AFG3L2: variants seen among roughly 807,000 people sequenced by gnomAD.
AFG3L2 encodes AFG3 like matrix AAA peptidase subunit 2.
A neutral mutation model predicts 94.5 loss-of-function variants in AFG3L2; 54 were observed. That is an observed-to-expected ratio of 0.57 (90% CI 0.46 to 0.72). AFG3L2 has a LOEUF of 0.72. AFG3L2 is among the 30% of genes least tolerant of loss of function. The pLI, the probability that AFG3L2 is intolerant of heterozygous loss-of-function variation, is 0.00. For synonymous variants in AFG3L2, 377 were observed against 365.5 expected (o/e 1.03, Z -0.36); for missense variants, 754 against 994.9 (o/e 0.76, Z 3.26).
Position 12,329,304 on chromosome 18 carries a change from G to A in AFG3L2, c.*261C>T. On this transcript the variant is annotated 3_prime_UTR_variant, in exon 17 of 17. Coordinates refer to ENST00000269143, the MANE Select transcript of AFG3L2 (RefSeq NM_006796.3). The stretch of plus-strand genomic sequence containing the variant: ...CAGGGTCCAGCCTCGGCCACTCTGG[G>A]CTCAACCTTTCCAGCACGTCTGGGA... 1 of 686,928 alleles carries A rather than the reference G, an allele frequency of 1.5e-6. No individual in the cohort carries two copies. The highest frequency in any genetic ancestry group is 2.6e-6 in the Non-Finnish European group (1 of 378,050). The allele number at this position is 686,928 out of a possible 1,614,324, so 42.6% of individuals were successfully genotyped here.
rs116096017 is a variant in AFG3L2 at position 12,373,936 on chromosome 18, G to A, written c.115-2245C>T. 8.1e-3 allele frequency among the ~76,000 whole-genome samples: 1,230 copies of A among 152,188 alleles called. 16 individuals carry two copies. The highest frequency in any genetic ancestry group is 0.028 in the African/African-American group (1,164 of 41,512). On this transcript the variant is annotated intron_variant, in intron 1 of 16. Transcript: ENST00000269143. Reference sequence around the variant, plus strand: ...GGGCCCCACCTCTCAATACCACCACGATGGGGAACAAATTTCAACATGAGT... The same window carrying A: ...GGGCCCCACCTCTCAATACCACCACAATGGGGAACAAATTTCAACATGAGT...
chr18:12,351,470 T>C (rs1598829525), intron 10 of AFG3L2, 57 bp from the exon 11 acceptor site: 1 of 1,458,128 alleles, frequency 6.9e-7, no homozygotes, highest in Non-Finnish European at 9.6e-7. Context: ...AAAGCAACAG[T>C]GCACCATCAG....
intron 9 of AFG3L2, among the ~76,000 whole-genome samples, chr18:12,353,863 C>G (rs1361241262): frequency 6.6e-6 from 1 of 152,166 alleles, no homozygotes; most frequent in South Asian, 2.1e-4. Context: ...TCATGCCTAA[C>G]ACAGTTATTA....
At chr18:12,360,184 A>C in intron 6 of AFG3L2, 133 bp from the exon 7 acceptor site, 1 of 854,808 alleles carries the variant, frequency 1.2e-6, no homozygotes, top group Non-Finnish European at 1.8e-6. Flanking sequence ...ACAATAATAA[A>C]AGACTGGCTT....
intron 7 of AFG3L2, among the ~76,000 whole-genome samples, chr18:12,359,547 T>C (rs1037907797): frequency 6.6e-6 from 1 of 152,172 alleles, no homozygotes; most frequent in Non-Finnish European, 1.5e-5. Flanking sequence ...AAGACCAGCC[T>C]GGCCAACATA....
chr18:12,337,643 C>CCAGCAGCAGCAG (rs376213367), intron 15 of AFG3L2, 108 bp from the exon 16 acceptor site: 3 of 953,618 alleles, frequency 3.1e-6, no homozygotes, highest in Admixed American at 1.9e-5. Context: ...CTCTGTGTAG[C>CCAGCAGCAGCAG]CAGCAGCAGC....
intron 16 of AFG3L2, among the ~76,000 whole-genome samples, chr18:12,330,645 G>A (rs1184304482): frequency 1.3e-5 from 2 of 152,068 alleles, no homozygotes; most frequent in Admixed American, 6.6e-5. Flanking sequence ...AGGCGCAGTG[G>A]TGGGTGCCTG....
chr18:12,352,897 G>A, intron 10 of AFG3L2, 108 bp downstream of exon 10: 1 of 1,509,534 alleles, frequency 6.6e-7, no homozygotes, highest in Non-Finnish European at 9.1e-7. Flanking sequence ...AGAGGATGCA[G>A]TGAGCCGAAA....
At chr18:12,338,259 G>C (rs1907817911) in intron 15 of AFG3L2, among the ~76,000 whole-genome samples, 1 of 152,090 alleles carries the variant, frequency 6.6e-6, no homozygotes, top group African/African-American at 2.4e-5. Context: ...CTGCACAAGA[G>C]AAAGTAGAGA....
At chr18:12,334,137 C>A (rs534954860) in intron 16 of AFG3L2, among the ~76,000 whole-genome samples, 1 of 152,226 alleles carries the variant, frequency 6.6e-6, no homozygotes, top group Non-Finnish European at 1.5e-5. Flanking sequence ...GTTTCAGGAG[C>A]ACAGGCCCTA....
At chr18:12,350,053 C>G (rs577842004) in intron 12 of AFG3L2, among the ~76,000 whole-genome samples, 9 of 152,152 alleles carry the variant, frequency 5.9e-5, no homozygotes, top group South Asian at 2.1e-4. Flanking sequence ...GCTCTCTCAT[C>G]TGGGCTGGAG....
chr18:12,350,546 G>A (rs1264169737), intron 12 of AFG3L2, among the ~76,000 whole-genome samples: 1 of 152,194 alleles, frequency 6.6e-6, no homozygotes, highest in Admixed American at 6.5e-5. Flanking sequence ...TAAAAGTAAG[G>A]TCAGATGTGA....
At chr18:12,371,076 GCTGAGGTGGGCAGATCA>G in intron 2 of AFG3L2, 150 bp from the exon 3 acceptor site, 1 of 536,476 alleles carries the variant, frequency 1.9e-6, no homozygotes, top group East Asian at 3.4e-5. Flanking sequence ...ACTTTGGGAG[GCTGAGGTGGGCAGATCA>G]CCTGAGGTCA....
At position 12,340,399 on chromosome 18, in the gene AFG3L2, T is replaced by C. The variant is rs1907911115; in HGVS notation, c.1782A>G (p.Val594=). Residue 594 remains valine (V), a splice_region_variant and synonymous_variant, in exon 15 of 17, where the codon GTA becomes GTG. Coordinates refer to ENST00000269143, the MANE Select transcript of AFG3L2 (RefSeq NM_006796.3). ...GTCCTTTGCCACGTGGGATGATGGA[T>C]ACCTGGTAAGTAGAAAACAGTGTTG... is the stretch of plus-strand genomic sequence containing the variant. The part of the protein sequence containing the change: ...YLEHADPLLK[V]SIIPRGKGLG... 6.2e-7 allele frequency: 1 copy of C among 1,612,522 alleles called. No homozygotes were observed. The highest frequency in any genetic ancestry group is 1.1e-5 in the South Asian group (1 of 91,038).
At chr18:12,346,526 G>A (rs1402102144) in intron 13 of AFG3L2, among the ~76,000 whole-genome samples, 2 of 152,160 alleles carry the variant, frequency 1.3e-5, no homozygotes, top group Non-Finnish European at 2.9e-5. Flanking sequence ...TGGGCTCATG[G>A]TGCTCACAGT....
chr18:12,348,561 T>G (rs561682066), intron 12 of AFG3L2, among the ~76,000 whole-genome samples, 178 bp from the exon 13 acceptor site: 1 of 152,374 alleles, frequency 6.6e-6, no homozygotes, highest in South Asian at 2.1e-4. Flanking sequence ...TAGCGTTTAA[T>G]GTAAGCCTGG....
In AFG3L2 at chr18:12,351,365, G is replaced by A; in HGVS notation, c.1367C>T (p.Pro456Leu). Residue 456 changes from proline (P) to leucine (L), a missense_variant, in exon 11 of 17, where the codon CCA (proline) becomes CTA (leucine). Physicochemically the swap from Pro to Leu is moderately conservative, Grantham distance 98. Transcript: ENST00000269143. ...NVVILAGTNR[P>L]DILDPALLRP... Reference sequence around the variant, plus strand: ...AAGCAGCGCGGGGTCCAGGATATCTGGTCGATTGGTGCCGGCCAAAATGAC... The same window carrying A: ...AAGCAGCGCGGGGTCCAGGATATCTAGTCGATTGGTGCCGGCCAAAATGAC... The A allele has an allele frequency of 6.2e-7, 1 of 1,614,070 alleles. No individual in the cohort carries two copies. The highest frequency in any genetic ancestry group is 8.5e-7 in the Non-Finnish European group (1 of 1,180,010).
intron 6 of AFG3L2, among the ~76,000 whole-genome samples, chr18:12,362,167 G>A (rs1449422534): frequency 1.3e-5 from 2 of 152,184 alleles, no homozygotes. Flanking sequence ...TAAGCATTAA[G>A]CCCTTCTCTA....
rs1275518816 is a variant in AFG3L2 at position 12,377,051 on chromosome 18, C to G, written c.32G>C (p.Arg11Pro). ...TAGGCCGCGGGGCCAGCAGCCGCCC[C>G]GGCCCCACAGCCGCAAACAGCGGTG... Reference protein sequence around the residue: MAHRCLRLWGRGGCWPRGLQQ... With the variant: MAHRCLRLWGPGGCWPRGLQQ... The change falls in exon 1 of 17, where the codon CGG (arginine) becomes CCG (proline). Residue 11 changes from arginine to proline, a missense_variant. Coordinates refer to ENST00000269143, the MANE Select transcript of AFG3L2 (RefSeq NM_006796.3). 3 of 1,435,752 alleles carry G rather than the reference C, an allele frequency of 2.1e-6. No individual in the cohort carries two copies. Among genetic ancestry groups the G allele is most frequent in the African/African-American group, 3.0e-5 (2 of 67,400 alleles). 88.9% of individuals were successfully genotyped at this position (1,435,752 alleles called of 1,614,324 possible). A position where few individuals can be genotyped will look rare whatever the true frequency, so the allele number is the denominator to read the frequency against.
Sources: gnomAD v4.1 joint callset for allele counts (sites outside exome capture counted in the v4.1 genomes callset) on GRCh38, gnomAD v4.1.1 for gene constraint, MANE v1.5 for transcripts, NCBI Gene and HGNC (gene_info 2026-07-23, HGNC 2026-07-21) for gene names.